The following SUMF1 variants were observed in gnomAD, a reference collection of about 807,000 sequenced individuals.
SUMF1 encodes the protein formylglycine-generating enzyme.
Under a neutral mutation model 47.6 loss-of-function variants are expected in SUMF1, and 48 were observed. The ratio of observed to expected loss-of-function variants is 1.01; its 90% CI spans 0.80 to 1.28. SUMF1 has a LOEUF of 1.28. Among genes scored for constraint, SUMF1 ranks in the 50% most tolerant of loss-of-function variants. The probability of loss-of-function intolerance (pLI) is 0.00; values close to 1 mark genes in which losing one functional copy is unlikely to be tolerated. For missense variants in SUMF1, 571 were observed against 485.4 expected (o/e 1.18, Z -1.66); for synonymous variants, 230 against 192.1 (o/e 1.20, Z -1.63).
At chr3:4,407,667 T>C (rs560356672) in intron 7 of SUMF1, among the ~76,000 whole-genome samples, 13 of 152,280 alleles carry the variant, frequency 8.5e-5, no homozygotes, top group Admixed American at 3.9e-4. Context: ...CAAAGAGAAA[T>C]AGGACTTAAC....
chr3:4,122,507 T>A (rs1428430499), intron 8 of SUMF1, among the ~76,000 whole-genome samples: 1 of 152,166 alleles, frequency 6.6e-6, no homozygotes, highest in African/African-American at 2.4e-5. Flanking sequence ...AGTGTGAATG[T>A]ACTAAATGCC....
intron 8 of SUMF1, among the ~76,000 whole-genome samples, chr3:4,112,388 C>T (rs946753171): frequency 6.6e-6 from 1 of 152,046 alleles, no homozygotes; most frequent in African/African-American, 2.4e-5. Flanking sequence ...GTACCTGGTC[C>T]CTTCCAATAA....
At chr3:4,175,093 C>T (rs1483147855) in intron 8 of SUMF1, among the ~76,000 whole-genome samples, 1 of 152,222 alleles carries the variant, frequency 6.6e-6, no homozygotes, top group African/African-American at 2.4e-5. Context: ...GACTCCACCT[C>T]TCTGGGCAGG....
At chr3:4,376,295 C>G (rs1553564577) in intron 8 of SUMF1, 35 bp downstream of exon 8, 1 of 1,613,134 alleles carries the variant, frequency 6.2e-7, no homozygotes, top group Admixed American at 1.7e-5. Flanking sequence ...GCTATCAGAA[C>G]AAGAACGGCA....
intron 8 of SUMF1, among the ~76,000 whole-genome samples, chr3:4,286,009 G>T (rs902601509): frequency 1.3e-5 from 2 of 152,094 alleles, no homozygotes; most frequent in Non-Finnish European, 2.9e-5. Context: ...ATATCCACCT[G>T]TTTGGCCCAG....
chr3:4,211,612 G>C (rs1042243960), intron 8 of SUMF1, among the ~76,000 whole-genome samples: 13 of 151,992 alleles, frequency 8.6e-5, no homozygotes, highest in Admixed American at 2.0e-4. Flanking sequence ...ACATAGACAA[G>C]TTCAACTTCA....
chr3:4,181,417 G>A (rs1032635354), intron 8 of SUMF1, among the ~76,000 whole-genome samples: 1 of 152,118 alleles, frequency 6.6e-6, no homozygotes, highest in Non-Finnish European at 1.5e-5. Flanking sequence ...TGAAGCTGAA[G>A]AAGCAATAGA....
intron 8 of SUMF1, among the ~76,000 whole-genome samples, chr3:4,263,667 C>T (rs1697132480): frequency 6.6e-6 from 1 of 152,172 alleles, no homozygotes; most frequent in Admixed American, 6.5e-5. Flanking sequence ...AAATCCTTCT[C>T]ATCTTTAAAG....
At chr3:4,077,001 C>T (rs112076535) in intron 8 of SUMF1, among the ~76,000 whole-genome samples, 17,256 of 151,508 alleles carry the variant, frequency 0.11, 2,048 homozygotes, top group African/African-American at 0.28. Context: ...GAGACTCCAT[C>T]TCAAAAAAGA....
At chr3:4,250,877 C>T (rs538035567) in intron 8 of SUMF1, among the ~76,000 whole-genome samples, 1 of 152,268 alleles carries the variant, frequency 6.6e-6, no homozygotes, top group African/African-American at 2.4e-5. Flanking sequence ...GATAATGTAC[C>T]TGTTTACCCA....
chr3:4,119,297 T>G (rs1693487487), intron 8 of SUMF1, among the ~76,000 whole-genome samples: 1 of 152,154 alleles, frequency 6.6e-6, no homozygotes, highest in Non-Finnish European at 1.5e-5. Context: ...TTATATTCCT[T>G]ATAGCCACAT....
intron 1 of SUMF1, among the ~76,000 whole-genome samples, chr3:4,457,058 G>GTA (rs373828142): frequency 0.058 from 5,019 of 86,056 alleles, 415 homozygotes; most frequent in African/African-American, 0.14. Flanking sequence ...ATACGTGTGT[G>GTA]TATATATATA....
chr3:4,075,691 C>T (rs1276255039), intron 8 of SUMF1, among the ~76,000 whole-genome samples: 1 of 151,954 alleles, frequency 6.6e-6, no homozygotes, highest in African/African-American at 2.4e-5. Context: ...TCCTACATAC[C>T]AATAACAGAC....
chr3:4,222,852 A>C (rs987898409), intron 8 of SUMF1, among the ~76,000 whole-genome samples: 2 of 152,156 alleles, frequency 1.3e-5, no homozygotes, highest in Admixed American at 1.3e-4. Flanking sequence ...CAAGAGGCTC[A>C]AGTTTACCAA....
At chr3:4,073,937 G>A (rs1000285642) in intron 8 of SUMF1, among the ~76,000 whole-genome samples, 1 of 152,154 alleles carries the variant, frequency 6.6e-6, no homozygotes, top group African/African-American at 2.4e-5. Flanking sequence ...CAAGGAGACA[G>A]AAAATTAACA....
At chr3:4,317,196 AT>A (rs780536045) in intron 8 of SUMF1, 18 of 1,549,322 alleles carry the variant, frequency 1.2e-5, no homozygotes, top group Non-Finnish European at 1.6e-5. Context: ...AAACCAACTT[AT>A]TTCTCGTTGG....
chr3:4,355,705 C>T (rs1037939950), intron 8 of SUMF1, among the ~76,000 whole-genome samples: 3 of 152,192 alleles, frequency 2.0e-5, no homozygotes, highest in Non-Finnish European at 1.5e-5. Flanking sequence ...CCATTCCCCT[C>T]GGCAAAGAAA....
At chr3:4,297,438 C>T (rs761901590) in intron 8 of SUMF1, among the ~76,000 whole-genome samples, 18 of 152,042 alleles carry the variant, frequency 1.2e-4, no homozygotes, top group Non-Finnish European at 2.2e-4. Flanking sequence ...GGTCTCTCTC[C>T]GTCGCCCAAT....
chr3:4,224,613 G>T (rs313688), intron 8 of SUMF1, among the ~76,000 whole-genome samples: 33,141 of 151,678 alleles, frequency 0.22, 4,797 homozygotes, highest in African/African-American at 0.4. Flanking sequence ...TGCCACAATG[G>T]TATACACCTG....
Sources: allele counts gnomAD v4.1 joint callset (sites outside exome capture counted in the v4.1 genomes callset), GRCh38; gene constraint gnomAD v4.1.1; transcripts MANE v1.5; gene names NCBI Gene and HGNC (gene_info 2026-07-23, HGNC 2026-07-21).